NAV3: variants seen among roughly 807,000 people sequenced by gnomAD.
NAV3 encodes the protein neuron navigator 3, also known as pore membrane and/or filament interacting like protein 1.
Under a neutral mutation model 244.7 loss-of-function variants are expected in NAV3, and 87 were observed. The observed-to-expected ratio is 0.36, with a 90% CI of 0.30 to 0.42. The LOEUF (loss-of-function observed/expected upper bound fraction) is 0.42, where lower values mean the gene tolerates loss of function less well. Ranked by LOEUF, NAV3 falls within the 20% of genes least tolerant of loss-of-function variation. NAV3 has a pLI of 1.00. For missense variants in NAV3, 2,663 were observed against 2,893.3 expected, an observed-to-expected ratio of 0.92 and a Z score of 1.83; for synonymous variants, 1,126 against 1,042.2, an observed-to-expected ratio of 1.08 and a Z score of -1.55.
chr12:77,672,058 A>G (rs770774948), intron 2 of NAV3, among the ~76,000 whole-genome samples: 2 of 152,184 alleles, frequency 1.3e-5, no homozygotes, highest in Non-Finnish European at 2.9e-5. Context: ...CAAATCAGCA[A>G]GAAACAAACA....
chr12:78,175,578 G>T, intron 25 of NAV3, 151 bp downstream of exon 25: 2 of 965,584 alleles, frequency 2.1e-6, no homozygotes, highest in Non-Finnish European at 3.0e-6. Context: ...ACCAAAATTG[G>T]AGTGGCATGT....
chr12:77,667,973 G>A (rs73427435), intron 2 of NAV3, among the ~76,000 whole-genome samples: 4,232 of 152,246 alleles, frequency 0.028, 193 homozygotes, highest in African/African-American at 0.096. Flanking sequence ...ACATCACAGC[G>A]TTCTTTGCAG....
intron 2 of NAV3, among the ~76,000 whole-genome samples, chr12:77,736,049 C>T (rs1240218963): frequency 7.9e-5 from 12 of 152,144 alleles, no homozygotes; most frequent in Admixed American, 7.2e-4. Flanking sequence ...ATCTTTACTA[C>T]ACTTTGTAAA....
chr12:78,070,728 G>C (rs1232799321), intron 12 of NAV3, among the ~76,000 whole-genome samples: 1 of 117,852 alleles, frequency 8.5e-6, no homozygotes, highest in South Asian at 3.0e-4. Flanking sequence ...ACAGTCCCCA[G>C]AGTGTGATAT....
chr12:77,979,436 G>T (rs1427877971), intron 5 of NAV3, among the ~76,000 whole-genome samples: 1 of 151,756 alleles, frequency 6.6e-6, no homozygotes, highest in Admixed American at 6.6e-5. Context: ...AAGCTATAAT[G>T]ATTATGTCAG....
At chr12:78,025,175 A>G (rs1444829686) in intron 9 of NAV3, among the ~76,000 whole-genome samples, 1 of 152,112 alleles carries the variant, frequency 6.6e-6, no homozygotes, top group Non-Finnish European at 1.5e-5. Flanking sequence ...GGCCAAATCC[A>G]AGGATCAAGT....
chr12:78,159,664 G>GAAT (rs951380530), intron 23 of NAV3, among the ~76,000 whole-genome samples: 1 of 151,668 alleles, frequency 6.6e-6, no homozygotes, highest in Non-Finnish European at 1.5e-5. Flanking sequence ...ACAAAAAAAA[G>GAAT]AATAATAATA....
intron 2 of NAV3, among the ~76,000 whole-genome samples, chr12:77,823,718 A>T (rs1484433829): frequency 1.3e-5 from 2 of 152,346 alleles, no homozygotes; most frequent in Middle Eastern, 3.4e-3. Flanking sequence ...ATCTAGTAAA[A>T]TATTACCAGG....
intron 34 of NAV3, among the ~76,000 whole-genome samples, chr12:78,195,064 C>A (rs1959144124): frequency 6.6e-6 from 1 of 152,004 alleles, no homozygotes; most frequent in Admixed American, 6.6e-5. Context: ...AATGCTATTT[C>A]CTTTTCTAAT....
chr12:77,577,729 A>G (rs1869158361), intron 2 of NAV3, among the ~76,000 whole-genome samples: 2 of 152,294 alleles, frequency 1.3e-5, no homozygotes, highest in African/African-American at 4.8e-5. Flanking sequence ...AATGATACTA[A>G]TTATTATTAA....
intron 1 of NAV3, among the ~76,000 whole-genome samples, chr12:77,867,451 G>A (rs563583535): frequency 3.5e-4 from 53 of 152,106 alleles, no homozygotes; most frequent in Middle Eastern, 6.8e-3. Context: ...ACGGAGTCTC[G>A]CTCTGTCACA....
At chr12:77,980,201 C>T (rs754187421) in intron 5 of NAV3, among the ~76,000 whole-genome samples, 33 of 152,144 alleles carry the variant, frequency 2.2e-4, no homozygotes, top group Admixed American at 5.9e-4. Flanking sequence ...ATAAGACAAC[C>T]GTAAGTTTCT....
intron 2 of NAV3, among the ~76,000 whole-genome samples, chr12:77,654,807 C>T (rs1873009485): frequency 6.6e-6 from 1 of 150,910 alleles, no homozygotes; most frequent in Non-Finnish European, 1.5e-5. Context: ...TCATGAAAAA[C>T]CACTGTTCTG....
chr12:77,869,090 A>G (rs1880547358), intron 1 of NAV3, among the ~76,000 whole-genome samples: 1 of 152,110 alleles, frequency 6.6e-6, no homozygotes, highest in African/African-American at 2.4e-5. Flanking sequence ...GCTCTGCTCT[A>G]CTAGCTGAGG....
At position 78,059,048 on chromosome 12, in the gene NAV3, C is replaced by A. The variant is rs2137406770; in HGVS notation, c.2569C>A (p.Pro857Thr). 6.2e-7 allele frequency: 1 copy of A among 1,611,572 alleles called. No individual in the cohort carries two copies. The highest frequency in any genetic ancestry group is 8.5e-7 in the Non-Finnish European group (1 of 1,178,592). Residue 857 changes from proline (P) to threonine (T), a missense_variant, in exon 12 of 40, where the codon CCA (proline) becomes ACA (threonine). Pro to Thr is a conservative substitution (Grantham distance 38, BLOSUM62 -1). Coordinates refer to ENST00000397909, the MANE Select transcript of NAV3 (RefSeq NM_001024383.2). ...ATATACTAGAAGTCTGAACCGAATA[C>A]CAGACACAGCAACTTCCCGGGACAT... is the stretch of plus-strand genomic sequence containing the variant. ...NLYTRSLNRI[P>T]DTATSRDIIQ...
chr12:78,205,284 T>C, intron 39 of NAV3, 146 bp downstream of exon 39: 1 of 849,904 alleles, frequency 1.2e-6, no homozygotes, highest in Non-Finnish European at 1.7e-6. Context: ...CTGCTTTCCA[T>C]GGATGAAAAT....
rs1307776971 is a variant in NAV3, at chr12:78,177,701, A to C, written c.5363+16A>C. On this transcript the variant is annotated intron_variant, in intron 28 of 39. Transcript: ENST00000397909. ...ATAGATCTCGGTAAAGTGGAGTGCGATGCATGAATACTGCAAAGATCCAGG... is the reference window on the plus strand; with the variant it reads ...ATAGATCTCGGTAAAGTGGAGTGCGCTGCATGAATACTGCAAAGATCCAGG... 6 of 1,595,552 alleles carry C rather than the reference A, an allele frequency of 3.8e-6. No individual in the cohort carries two copies. The Admixed American group carries it at 6.7e-5, about 18-fold the overall frequency.
At chr12:77,828,621 G>A (rs1412908289), upstream of NAV3, among the ~76,000 whole-genome samples, 1 of 152,048 alleles carries the variant, frequency 6.6e-6, no homozygotes, top group African/African-American at 2.4e-5. Context: ...AAGATAAATT[G>A]AGATGACAAC....
intron 22 of NAV3, among the ~76,000 whole-genome samples, chr12:78,150,484 T>C (rs1957030585): frequency 7.0e-6 from 1 of 142,392 alleles, no homozygotes; most frequent in Admixed American, 7.7e-5. Flanking sequence ...AAATGGTATT[T>C]CACATTTTTT....
Sources: gnomAD v4.1 joint callset for allele counts (sites outside exome capture counted in the v4.1 genomes callset) on GRCh38, gnomAD v4.1.1 for gene constraint, MANE v1.5 for transcripts, NCBI Gene and HGNC (gene_info 2026-07-23, HGNC 2026-07-21) for gene names.